Variants in NNMT observed in about 807,000 individuals in gnomAD.
NNMT encodes nicotinamide N-methyltransferase.
NNMT carries 10 observed loss-of-function variants against 11.7 expected under a neutral mutation model. That is an observed-to-expected ratio of 0.85 (90% CI 0.53 to 1.45). The LOEUF is 1.45. Ranked by LOEUF, NNMT falls within the 40% of genes most tolerant of loss-of-function variation. The pLI is 0.00. For synonymous variants in NNMT, 143 were observed against 133.8 expected (o/e 1.07, Z -0.48); for missense variants, 381 against 319.4 (o/e 1.19, Z -1.47).
intron 1 of NNMT, among the ~76,000 whole-genome samples, chr11:114,259,402 C>T (rs1314428555): frequency 6.6e-6 from 1 of 151,780 alleles, no homozygotes; most frequent in East Asian, 1.9e-4. Context: ...ATTCATAGAC[C>T]ACCTGACCCG....
intron 2 of NNMT, among the ~76,000 whole-genome samples, chr11:114,284,744 G>C (rs1181791997): frequency 6.8e-6 from 1 of 146,042 alleles, no homozygotes; most frequent in Non-Finnish European, 1.5e-5. Context: ...TGACAGGCGT[G>C]AGCCACTGCA....
chr11:114,311,215 G>A (rs1438415672), intron 2 of NNMT, among the ~76,000 whole-genome samples: 1 of 152,174 alleles, frequency 6.6e-6, no homozygotes, highest in African/African-American at 2.4e-5. Flanking sequence ...TGTAATCCCA[G>A]TGCTTTGGGA....
At chr11:114,259,411 C>T (rs1034804876) in intron 1 of NNMT, among the ~76,000 whole-genome samples, 2 of 152,028 alleles carry the variant, frequency 1.3e-5, no homozygotes, top group Non-Finnish European at 2.9e-5. Context: ...CCACCTGACC[C>T]GTGTCTGCCG....
At chr11:114,266,728 T>TAA (rs1945123042) in intron 2 of NNMT, among the ~76,000 whole-genome samples, 1 of 152,080 alleles carries the variant, frequency 6.6e-6, no homozygotes, top group African/African-American at 2.4e-5. Context: ...ATCATGGGAG[T>TAA]AGGTTTCTTA....
At chr11:114,294,302 AC>A (rs1166569058), upstream of NNMT, among the ~76,000 whole-genome samples, 1 of 151,562 alleles carries the variant, frequency 6.6e-6, no homozygotes, top group East Asian at 1.9e-4. Flanking sequence ...ATATGATGAA[AC>A]CCCGTCTCTA....
chr11:114,265,983 A>T (rs1239954671), intron 2 of NNMT, among the ~76,000 whole-genome samples: 2 of 152,094 alleles, frequency 1.3e-5, no homozygotes, highest in African/African-American at 2.4e-5. Context: ...TTTGTAAGAG[A>T]ATTTTTAATA....
chr11:114,278,628 G>A lies in NNMT; in HGVS notation c.-130+15694G>A, dbSNP rs549158626. Among the ~76,000 whole-genome samples, 3 of 151,990 alleles carry A rather than the reference G, an allele frequency of 2.0e-5. No homozygotes were observed. The East Asian group carries it at 5.8e-4, about 29-fold the overall frequency. On this transcript the variant is annotated intron_variant, in intron 2 of 4. Transcript: ENST00000535401. ...CTAATACTCATGTGTGTGTGTGTGT[G>A]TGTGTGTGTGTATTATGTGTGCATA... is the stretch of plus-strand genomic sequence containing the variant.
chr11:114,306,386 C>T (rs1169197209), intron 2 of NNMT, among the ~76,000 whole-genome samples: 1 of 152,118 alleles, frequency 6.6e-6, no homozygotes. Flanking sequence ...GCTTTTGTTG[C>T]TATTGCTTTT....
intron 2 of NNMT, among the ~76,000 whole-genome samples, chr11:114,309,019 G>A (rs975074337): frequency 3.9e-5 from 6 of 152,058 alleles, no homozygotes; most frequent in Non-Finnish European, 8.8e-5. Flanking sequence ...AGCTTAATAC[G>A]CAATAGGGCA....
At chr11:114,281,954 G>C (rs552201556) in intron 2 of NNMT, among the ~76,000 whole-genome samples, 84 of 152,276 alleles carry the variant, frequency 5.5e-4, no homozygotes, top group African/African-American at 2.0e-3. Context: ...GACAAAGGAA[G>C]GTAAAGTGAC....
rs1310269251 is a variant in NNMT at position 114,310,796 on chromosome 11, CTCAA to C, written c.363-1247_363-1244del. Among the ~76,000 whole-genome samples, 3 of 152,258 alleles carry C rather than the reference CTCAA, an allele frequency of 2.0e-5. No individual in the cohort carries two copies. In the East Asian group the frequency reaches 5.8e-4, roughly 29 times the overall value. ...CTCTGGGGCCTGGGCCCTTAACACA[CTCAA>C]TGTTTCTTCCCCTTTTCTCACTTAT... On this transcript the variant is annotated intron_variant, in intron 2 of 2. Transcript: ENST00000299964.
At chr11:114,294,044 A>G (rs1424396021), upstream of NNMT, among the ~76,000 whole-genome samples, 1 of 152,220 alleles carries the variant, frequency 6.6e-6, no homozygotes, top group East Asian at 1.9e-4. Context: ...CAGAAAGACA[A>G]ACTTTGCATG....
intron 2 of NNMT, among the ~76,000 whole-genome samples, chr11:114,284,723 A>T (rs976601730): frequency 6.7e-6 from 1 of 149,794 alleles, no homozygotes; most frequent in African/African-American, 2.5e-5. Flanking sequence ...TGGCCTCCCA[A>T]AGTGCTGAGA....
chr11:114,265,234 G>A (rs1945110992), intron 2 of NNMT, among the ~76,000 whole-genome samples: 1 of 152,134 alleles, frequency 6.6e-6, no homozygotes, highest in African/African-American at 2.4e-5. Context: ...TAGGAGTTGT[G>A]CGCCAAGAGA....
chr11:114,281,450 G>A (rs1741150889), intron 2 of NNMT, among the ~76,000 whole-genome samples: 1 of 152,110 alleles, frequency 6.6e-6, no homozygotes, highest in African/African-American at 2.4e-5. Context: ...AGCCCTGGGG[G>A]TATGGTGGAG....
chr11:114,292,903 A>G (rs1246742859), upstream of NNMT, among the ~76,000 whole-genome samples: 2 of 152,186 alleles, frequency 1.3e-5, no homozygotes, highest in Admixed American at 1.3e-4. Context: ...GGAATGAGGC[A>G]CATTTCCCAA....
upstream of NNMT, among the ~76,000 whole-genome samples, chr11:114,295,080 T>C (rs1481614233): frequency 6.6e-6 from 1 of 152,222 alleles, no homozygotes; most frequent in East Asian, 1.9e-4. Flanking sequence ...GGGCAAAGCA[T>C]ACGAGAAGTG....
intron 1 of NNMT, among the ~76,000 whole-genome samples, chr11:114,262,096 G>A (rs1247737433): frequency 6.6e-6 from 1 of 152,178 alleles, no homozygotes; most frequent in Non-Finnish European, 1.5e-5. Context: ...TACTTCCTGA[G>A]GTCCTGAACC....
At position 114,286,439 on chromosome 11, in the gene NNMT, C is replaced by A. The variant is rs997102999; in HGVS notation, c.-129-9989C>A. ...TCCTCCCCAGTCACCCACAGGCAAC[C>A]ACTATCCTGGCATCTAATGAAATTA... On this transcript the variant is annotated intron_variant, in intron 2 of 4. Transcript: ENST00000535401. Among the ~76,000 whole-genome samples the A allele has an allele frequency of 4.6e-5, 7 of 152,312 alleles. No homozygotes were observed. The South Asian group carries it at 1.0e-3, about 23-fold the overall frequency.
Sources: gnomAD v4.1 joint callset for allele counts (sites outside exome capture counted in the v4.1 genomes callset) on GRCh38, gnomAD v4.1.1 for gene constraint, MANE v1.5 for transcripts, NCBI Gene and HGNC (gene_info 2026-07-23, HGNC 2026-07-21) for gene names.